The following BBS9 variants were observed in gnomAD, a reference collection of about 807,000 sequenced individuals.
BBS9 encodes protein PTHB1.
Under a neutral mutation model 117.7 loss-of-function variants are expected in BBS9, and 89 were observed. That is an observed-to-expected ratio of 0.76 (90% CI 0.64 to 0.90). The LOEUF (loss-of-function observed/expected upper bound fraction) is 0.90. Among genes scored for constraint, BBS9 ranks in the 40% least tolerant of loss-of-function variants. The pLI is 0.00. For missense variants in BBS9, 982 were observed against 1,042.2 expected, an observed-to-expected ratio of 0.94 and a Z score of 0.80; for synonymous variants, 379 against 370.9, an observed-to-expected ratio of 1.02 and a Z score of -0.25.
chr7:33,609,965 C>G (rs77329079), downstream of BBS9, among the ~76,000 whole-genome samples: 4,978 of 152,148 alleles, frequency 0.033, 111 homozygotes, highest in South Asian at 0.058. Flanking sequence ...AAGGCCACCA[C>G]CCTTCCAATG....
intron 21 of BBS9, among the ~76,000 whole-genome samples, chr7:33,611,782 ATAT>A (rs1331017407): frequency 5.0e-5 from 7 of 139,346 alleles, no homozygotes; most frequent in Non-Finnish European, 9.2e-5. Flanking sequence ...TTATATAATA[ATAT>A]TATATATGGT....
At chr7:33,277,337 T>C (rs1800960016) in intron 9 of BBS9, among the ~76,000 whole-genome samples, 1 of 152,314 alleles carries the variant, frequency 6.6e-6, no homozygotes, top group East Asian at 1.9e-4. Flanking sequence ...CCATATTTTT[T>C]ATCTTGCCAA....
intron 19 of BBS9, chr7:33,390,615 A>C: frequency 1.0e-5 from 10 of 967,978 alleles, no homozygotes; most frequent in Non-Finnish European, 1.1e-5. Flanking sequence ...TTGTTCAATA[A>C]GTTTCATGAG....
intron 19 of BBS9, among the ~76,000 whole-genome samples, chr7:33,404,241 C>T (rs1029179480): frequency 3.9e-5 from 6 of 152,230 alleles, no homozygotes; most frequent in African/African-American, 4.8e-5. Context: ...GTTTTGGTTA[C>T]TGTAGCCTTG....
intron 5 of BBS9, among the ~76,000 whole-genome samples, chr7:33,220,406 T>C (rs1163445311): frequency 2.6e-5 from 4 of 152,222 alleles, no homozygotes; most frequent in Non-Finnish European, 5.9e-5. Flanking sequence ...TCTCTGAGAT[T>C]GCGATGTTGA....
At chr7:33,397,352 A>T (rs1439985838) in intron 19 of BBS9, among the ~76,000 whole-genome samples, 1 of 152,178 alleles carries the variant, frequency 6.6e-6, no homozygotes, top group African/African-American at 2.4e-5. Context: ...AGAAAAAGGA[A>T]CACTTTTATA....
chr7:33,144,144 G>A (rs71534347), intron 1 of BBS9, among the ~76,000 whole-genome samples: 23,970 of 152,040 alleles, frequency 0.16, 2,067 homozygotes, highest in South Asian at 0.21. Flanking sequence ...TCCACTGGTT[G>A]CATGGTTAAC....
rs537505123 is a variant in BBS9, at chr7:33,371,116, T to G, written c.1789+3254T>G. 2.6e-5 allele frequency among the ~76,000 whole-genome samples: 4 copies of G among 152,288 alleles called. No individual in the cohort carries two copies. The South Asian group carries it at 8.3e-4, about 32-fold the overall frequency. On this transcript the variant is annotated intron_variant, in intron 17 of 22. Transcript: ENST00000242067. ...AATATTAAACCTTTTGTTGAGGAGA[T>G]GCACACCCTTTACTGATGCTGAGTC...
chr7:33,555,926 C>T (rs1855219764), intron 21 of BBS9, among the ~76,000 whole-genome samples: 2 of 152,164 alleles, frequency 1.3e-5, no homozygotes, highest in South Asian at 4.1e-4. Context: ...ATCTCATTGT[C>T]ATTTCATGTC....
chr7:33,531,588 T>C (rs1850587152), intron 20 of BBS9, among the ~76,000 whole-genome samples: 1 of 152,152 alleles, frequency 6.6e-6, no homozygotes, highest in Admixed American at 6.5e-5. Flanking sequence ...ACTCAGTTTA[T>C]ATAAGGAAGA....
intron 19 of BBS9, among the ~76,000 whole-genome samples, chr7:33,425,903 TAAGCACAAACAGA>T (rs1833591372): frequency 6.6e-6 from 1 of 152,128 alleles, no homozygotes; most frequent in African/African-American, 2.4e-5. Flanking sequence ...CAAACTAAAG[TAAGCACAAACAGA>T]AACTTAGAAT....
intron 5 of BBS9, among the ~76,000 whole-genome samples, chr7:33,179,697 C>A (rs1797831766): frequency 6.6e-6 from 1 of 152,074 alleles, no homozygotes; most frequent in Non-Finnish European, 1.5e-5. Context: ...AAATAAAGTG[C>A]ACAATAAATG....
intron 1 of BBS9, among the ~76,000 whole-genome samples, chr7:33,143,654 C>G (rs1791879482): frequency 6.6e-6 from 1 of 151,970 alleles, no homozygotes; most frequent in South Asian, 2.1e-4. Context: ...CAACCTCCGC[C>G]TCCTGGGTTC....
chr7:33,235,900 C>T (rs1348536010), intron 5 of BBS9, among the ~76,000 whole-genome samples: 1 of 152,150 alleles, frequency 6.6e-6, no homozygotes. Flanking sequence ...CTTTGTCTGA[C>T]AAGAAACTGG....
intron 19 of BBS9, among the ~76,000 whole-genome samples, chr7:33,407,850 C>T (rs1584705037): frequency 6.6e-6 from 1 of 152,230 alleles, no homozygotes; most frequent in Admixed American, 6.5e-5. Flanking sequence ...CCCTACTGGG[C>T]TGTGCCTCCC....
rs547540577 is a variant in BBS9 at position 33,343,830 on chromosome 7, A to G, written c.1276-751A>G. On this transcript the variant is annotated intron_variant, in intron 11 of 22. Coordinates refer to ENST00000242067, the MANE Select transcript of BBS9 (RefSeq NM_198428.3). Reference sequence around the variant, plus strand: ...TATTTTATGGGTGTAAGGCCACTCAATCTTTATATCATTAGCTGCATGTCT... The same window carrying G: ...TATTTTATGGGTGTAAGGCCACTCAGTCTTTATATCATTAGCTGCATGTCT... Among the ~76,000 whole-genome samples, 48 of 151,270 alleles carry G rather than the reference A, an allele frequency of 3.2e-4. 1 individual carries two copies. The South Asian group carries it at 0.01, about 32-fold the overall frequency.
chr7:33,626,840 C>A (rs1239076610), intron 21 of BBS9, among the ~76,000 whole-genome samples: 4 of 152,188 alleles, frequency 2.6e-5, no homozygotes, highest in Admixed American at 2.0e-4. Flanking sequence ...TGTGCATGAG[C>A]AAAGAGATGT....
At chr7:33,590,301 A>G (rs1861628350) in intron 21 of BBS9, among the ~76,000 whole-genome samples, 1 of 152,146 alleles carries the variant, frequency 6.6e-6, no homozygotes, top group Admixed American at 6.6e-5. Flanking sequence ...AAAGAAACGG[A>G]AGAAAATGCT....
rs1864350562 is a variant in BBS9, at chr7:33,604,887, G to A, written c.2544G>A (p.Glu848=). 1 of 1,613,008 alleles carries A rather than the reference G, an allele frequency of 6.2e-7. No homozygotes were observed. The highest frequency in any genetic ancestry group is 1.7e-4 in the Middle Eastern group (1 of 6,058). ...VMPGGCTTIP[E]SDLEERSVEQ... Reference sequence around the variant, plus strand: ...TAGGTGGTTGTACTACAATCCCAGAGTCAGACCTAGAAGAAAGATCAGTAG... The same window carrying A: ...TAGGTGGTTGTACTACAATCCCAGAATCAGACCTAGAAGAAAGATCAGTAG... The change falls in exon 22 of 23, where the codon GAG becomes GAA. Residue 848 remains glutamate, a synonymous_variant. Transcript: ENST00000242067.
Sources: allele counts gnomAD v4.1 joint callset (sites outside exome capture counted in the v4.1 genomes callset), GRCh38; gene constraint gnomAD v4.1.1; transcripts MANE v1.5; gene names NCBI Gene and HGNC (gene_info 2026-07-23, HGNC 2026-07-21).